MAP2K5: variants seen among roughly 807,000 people sequenced by gnomAD.
MAP2K5 encodes dual specificity mitogen-activated protein kinase kinase 5.
Under a neutral mutation model 83.1 loss-of-function variants are expected in MAP2K5, and 49 were observed. The ratio of observed to expected loss-of-function variants is 0.59; its 90% CI spans 0.47 to 0.75. The LOEUF is 0.75. MAP2K5 is among the 30% of genes least tolerant of loss of function. The probability of loss-of-function intolerance (pLI) is 0.00; values close to 1 mark genes in which losing one functional copy is unlikely to be tolerated. For missense variants in MAP2K5, 457 were observed against 557.5 expected, an observed-to-expected ratio of 0.82 and a Z score of 1.82; for synonymous variants, 202 against 191.8, an observed-to-expected ratio of 1.05 and a Z score of -0.44.
intron 8 of MAP2K5, chr15:67,628,322 A>G (rs969237403): frequency 2.0e-6 from 1 of 506,164 alleles, no homozygotes. Flanking sequence ...TCTACTAAAA[A>G]TACAAAAATT....
At chr15:67,612,293 A>C (rs2141047322) in intron 8 of MAP2K5, among the ~76,000 whole-genome samples, 1 of 152,268 alleles carries the variant, frequency 6.6e-6, no homozygotes, top group East Asian at 1.9e-4. Flanking sequence ...TTGGAGAATA[A>C]CACCTTCCCT....
chr15:67,596,909 C>T (rs2085537641), intron 7 of MAP2K5, among the ~76,000 whole-genome samples: 1 of 152,072 alleles, frequency 6.6e-6, no homozygotes, highest in Admixed American at 6.6e-5. Context: ...TGGTGGCTCA[C>T]GCCTGTAATC....
At chr15:67,712,052 C>T (rs550941498) in intron 16 of MAP2K5, among the ~76,000 whole-genome samples, 1 of 152,278 alleles carries the variant, frequency 6.6e-6, no homozygotes, top group African/African-American at 2.4e-5. Flanking sequence ...CTGAGTGGAG[C>T]GTTTTCTGGA....
At chr15:67,628,832 T>G in intron 8 of MAP2K5, 1 of 750,354 alleles carries the variant, frequency 1.3e-6, no homozygotes. Context: ...TGGACGAAAC[T>G]TCAGTGGTCA....
intron 9 of MAP2K5, chr15:67,642,422 G>A (rs1412201940): frequency 6.2e-7 from 1 of 1,609,078 alleles, no homozygotes; most frequent in African/African-American, 1.3e-5. Flanking sequence ...TTTAGGAGAT[G>A]AGGGATGCAT....
At chr15:67,762,009 CAGGT>C (rs2089958773) in intron 19 of MAP2K5, among the ~76,000 whole-genome samples, 1 of 152,168 alleles carries the variant, frequency 6.6e-6, no homozygotes, top group Non-Finnish European at 1.5e-5. Context: ...GGTAAAAGCA[CAGGT>C]AGGAATTGCT....
At chr15:67,788,380 T>C (rs1030307132) in intron 21 of MAP2K5, among the ~76,000 whole-genome samples, 1 of 152,194 alleles carries the variant, frequency 6.6e-6, no homozygotes, top group Non-Finnish European at 1.5e-5. Flanking sequence ...CCCAGGAAGG[T>C]AGCCTCAGGC....
rs560028701 is a variant in MAP2K5 at position 67,559,657 on chromosome 15, A to G, written c.185-3626A>G. 9.9e-4 allele frequency among the ~76,000 whole-genome samples: 150 copies of G among 152,248 alleles called. No homozygotes were observed. The highest frequency in any genetic ancestry group is 3.4e-3 in the African/African-American group (143 of 41,552). ...TTTTTCCTCCATTTTAAGTGACATT[A>G]ACAAAATCTAGCCAGTACATAGGCT... On this transcript the variant is annotated intron_variant, in intron 2 of 21. Coordinates refer to ENST00000178640, the MANE Select transcript of MAP2K5 (RefSeq NM_145160.3). The surrounding 1 kb of genome is among the most constrained non-coding windows in gnomAD (Gnocchi z 4.7).
chr15:67,701,775 G>C (rs911221084), intron 15 of MAP2K5, among the ~76,000 whole-genome samples: 2 of 152,206 alleles, frequency 1.3e-5, no homozygotes, highest in African/African-American at 4.8e-5. Context: ...ACCTCAGGCA[G>C]TTCTGCGATG....
intron 9 of MAP2K5, among the ~76,000 whole-genome samples, chr15:67,634,408 A>AAAAAAAG (rs1826173199): frequency 7.6e-6 from 1 of 132,042 alleles, no homozygotes; most frequent in Admixed American, 8.2e-5. Flanking sequence ...AAAAAAAAAA[A>AAAAAAAG]AGAATGTATA....
intron 8 of MAP2K5, among the ~76,000 whole-genome samples, chr15:67,611,461 T>G (rs893543049): frequency 4.6e-5 from 7 of 152,128 alleles, no homozygotes; most frequent in African/African-American, 1.2e-4. Flanking sequence ...CTTTGGAGTC[T>G]CAAGTGAAAT....
intron 16 of MAP2K5, among the ~76,000 whole-genome samples, chr15:67,705,482 C>A (rs1370405376): frequency 6.6e-6 from 1 of 152,108 alleles, no homozygotes; most frequent in Non-Finnish European, 1.5e-5. Flanking sequence ...TGCCCATAAT[C>A]CCAACACTTT....
chr15:67,604,825 G>A (rs539644595), intron 8 of MAP2K5, among the ~76,000 whole-genome samples: 1 of 151,978 alleles, frequency 6.6e-6, no homozygotes, highest in Non-Finnish European at 1.5e-5. Flanking sequence ...AACCCGGGAG[G>A]TGGAGGTTGC....
intron 3 of MAP2K5, among the ~76,000 whole-genome samples, chr15:67,570,729 A>G (rs1423225562): frequency 6.6e-6 from 1 of 152,242 alleles, no homozygotes; most frequent in Non-Finnish European, 1.5e-5. Context: ...TGAGTTCTTC[A>G]CTGGGAAAAC....
intron 21 of MAP2K5, among the ~76,000 whole-genome samples, chr15:67,789,201 G>C (rs1401980787): frequency 6.6e-6 from 1 of 151,982 alleles, no homozygotes; most frequent in African/African-American, 2.4e-5. Flanking sequence ...ATTCTTAATG[G>C]CTGTATAGTA....
In MAP2K5 at chr15:67,562,456, A is replaced by G. The variant is rs139993494; in HGVS notation, c.185-827A>G. 4.0e-4 allele frequency among the ~76,000 whole-genome samples: 61 copies of G among 152,380 alleles called. No homozygotes were observed. Among genetic ancestry groups the G allele is most frequent in the Admixed American group, 9.8e-4 (15 of 15,310 alleles). ...AACTACTTTGAATAAGAGAAGTATC[A>G]TGAAATAAATACATTATTTCTAGAT... is the stretch of plus-strand genomic sequence containing the variant. On this transcript the variant is annotated intron_variant, in intron 2 of 21. Coordinates refer to ENST00000178640, the MANE Select transcript of MAP2K5 (RefSeq NM_145160.3). This position sits in a 1 kb window ranked among gnomAD's most constrained non-coding sequence, Gnocchi z 4.1.
intron 17 of MAP2K5, among the ~76,000 whole-genome samples, chr15:67,744,240 G>A (rs1013710254): frequency 6.6e-6 from 1 of 152,126 alleles, no homozygotes; most frequent in Non-Finnish European, 1.5e-5. Context: ...TTGCAAAATA[G>A]CCACAGCTCC....
chr15:67,729,041 T>G (rs1406650000), intron 17 of MAP2K5, among the ~76,000 whole-genome samples: 6 of 152,208 alleles, frequency 3.9e-5, no homozygotes, highest in Non-Finnish European at 8.8e-5. Context: ...AGTCTCACTT[T>G]TCAAATTCAT....
chr15:67,709,872 A>G (rs1401200637), intron 16 of MAP2K5, among the ~76,000 whole-genome samples: 1 of 152,204 alleles, frequency 6.6e-6, no homozygotes, highest in African/African-American at 2.4e-5. Context: ...TTAAAAAGGC[A>G]CCAAGCCAGT....
Sources: gnomAD v4.1 joint callset for allele counts (sites outside exome capture counted in the v4.1 genomes callset) on GRCh38, gnomAD v4.1.1 for gene constraint, Gnocchi (gnomAD v3.1) non-coding constraint, MANE v1.5 for transcripts, NCBI Gene and HGNC (gene_info 2026-07-23, HGNC 2026-07-21) for gene names.